The following LNP1 variants were observed in gnomAD, a reference collection of about 807,000 sequenced individuals.
LNP1 encodes leukemia NUP98 fusion partner 1.
A neutral mutation model predicts 14.5 loss-of-function variants in LNP1; 12 were observed. The observed-to-expected ratio is 0.83, with a 90% confidence interval of 0.53 to 1.34. The LOEUF is 1.34. LNP1 is among the 40% of genes most tolerant of loss of function. The probability of loss-of-function intolerance (pLI) is 0.00; values close to 1 mark genes in which losing one functional copy is unlikely to be tolerated. For synonymous variants in LNP1, 75 were observed against 71.4 expected (o/e 1.05, Z -0.26); for missense variants, 198 against 210.9 (o/e 0.94, Z 0.38).
intron 2 of LNP1, among the ~76,000 whole-genome samples, chr3:100,433,463 T>G (rs1275416872): frequency 6.6e-6 from 1 of 152,242 alleles, no homozygotes; most frequent in Non-Finnish European, 1.5e-5. Context: ...TTATCCACTC[T>G]ATCAGTGATG....
At position 100,429,328 on chromosome 3, in the gene LNP1, G is replaced by T. The variant is rs535714127; in HGVS notation, c.-33-369G>T. On this transcript the variant is annotated intron_variant, in intron 1 of 3. Transcript: ENST00000383693. ...TGGAGCTGACAGGCATATTGTGAGGGTCATGCTCCATCATCATTGACAGCT... is the reference window on the plus strand; with the variant it reads ...TGGAGCTGACAGGCATATTGTGAGGTTCATGCTCCATCATCATTGACAGCT... 3.3e-5 allele frequency among the ~76,000 whole-genome samples: 5 copies of T among 152,124 alleles called. No homozygotes were observed. The South Asian group carries it at 1.0e-3, about 32-fold the overall frequency.
chr3:100,439,564 C>T (rs2148905753), intron 2 of LNP1, among the ~76,000 whole-genome samples: 1 of 152,276 alleles, frequency 6.6e-6, no homozygotes, highest in Admixed American at 6.5e-5. Context: ...GTCGTTCAGT[C>T]AGCACACATT....
chr3:100,431,070 AATATCCAGG>A (rs1707238091), intron 2 of LNP1, among the ~76,000 whole-genome samples: 1 of 152,162 alleles, frequency 6.6e-6, no homozygotes, highest in Admixed American at 6.5e-5. Flanking sequence ...CAATGAGCAA[AATATCCAGG>A]CTGTGTGAAC....
chr3:100,450,458 C>T (rs754016947), intron 2 of LNP1, among the ~76,000 whole-genome samples: 13 of 151,888 alleles, frequency 8.6e-5, no homozygotes, highest in African/African-American at 1.9e-4. Context: ...CTCAGCCTCC[C>T]GGGTAGCTGG....
rs529154921 is a variant in LNP1, at chr3:100,412,858, G to A, written c.-34+10419G>A. Among the ~76,000 whole-genome samples the A allele has an allele frequency of 2.0e-5, 3 of 152,304 alleles. No individual in the cohort carries two copies. In the South Asian group the frequency reaches 6.2e-4, roughly 32 times the overall value. On this transcript the variant is annotated intron_variant, in intron 1 of 3. Coordinates refer to ENST00000383693, the MANE Select transcript of LNP1 (RefSeq NM_001085451.2). ...TAGTCATCTTTGTACTCCTGTATCTGTAAGAGGGTTGGGCATATGATGAGT... is the reference window on the plus strand; with the variant it reads ...TAGTCATCTTTGTACTCCTGTATCTATAAGAGGGTTGGGCATATGATGAGT...
intron 1 of LNP1, among the ~76,000 whole-genome samples, chr3:100,412,199 A>G (rs563911118): frequency 6.6e-6 from 1 of 152,302 alleles, no homozygotes; most frequent in South Asian, 2.1e-4. Context: ...AGACAGACCA[A>G]ACGAGAAACC....
chr3:100,404,313 G>T (rs754975782), intron 1 of LNP1, among the ~76,000 whole-genome samples: 4 of 151,952 alleles, frequency 2.6e-5, no homozygotes, highest in Admixed American at 6.5e-5. Flanking sequence ...GTTCTTCTAC[G>T]CTCTGACCAA....
chr3:100,410,301 A>T (rs1031936191), intron 1 of LNP1, among the ~76,000 whole-genome samples: 3 of 152,230 alleles, frequency 2.0e-5, no homozygotes, highest in Non-Finnish European at 2.9e-5. Flanking sequence ...ACATAAATAC[A>T]TGAACAGAAT....
intron 1 of LNP1, among the ~76,000 whole-genome samples, chr3:100,416,214 T>C (rs139478720): frequency 9.8e-5 from 15 of 152,324 alleles, no homozygotes; most frequent in Middle Eastern, 3.4e-3. Flanking sequence ...CATTTATTAG[T>C]TGGAATATTT....
At chr3:100,447,148 A>G (rs533815185) in intron 2 of LNP1, among the ~76,000 whole-genome samples, 4 of 152,214 alleles carry the variant, frequency 2.6e-5, no homozygotes, top group Non-Finnish European at 4.4e-5. Flanking sequence ...ACACATGTAC[A>G]CATATATTTA....
Position 100,429,704 on chromosome 3 carries a change from C to A in LNP1, c.-26C>A. 2 of 1,606,642 alleles carry A rather than the reference C, an allele frequency of 1.2e-6. No homozygotes were observed. Among genetic ancestry groups the A allele is most frequent in the East Asian group, 2.2e-5 (1 of 44,722 alleles). On this transcript the variant is annotated 5_prime_UTR_variant, in exon 2 of 4. Coordinates refer to ENST00000383693, the MANE Select transcript of LNP1 (RefSeq NM_001085451.2). ...TCCCTCTGTCGCATTTAGGGACAGG[C>A]CTTCAGTATTTGGCATCACCTTTAC... is the stretch of plus-strand genomic sequence containing the variant.
chr3:100,414,070 A>G (rs1420822377), intron 1 of LNP1, among the ~76,000 whole-genome samples: 11 of 152,190 alleles, frequency 7.2e-5, no homozygotes, highest in African/African-American at 2.4e-4. Flanking sequence ...TGTTCTGACT[A>G]TCTGTTGCTG....
chr3:100,428,633 T>C (rs939794784), intron 1 of LNP1, among the ~76,000 whole-genome samples: 1 of 152,036 alleles, frequency 6.6e-6, no homozygotes, highest in South Asian at 2.1e-4. Flanking sequence ...CTCTTTACTT[T>C]GAAAAAAATG....
chr3:100,405,527 G>A (rs1706957165), intron 1 of LNP1, among the ~76,000 whole-genome samples: 1 of 152,158 alleles, frequency 6.6e-6, no homozygotes, highest in Admixed American at 6.5e-5. Context: ...AATTCTGTAA[G>A]AGCCCTATTC....
intron 2 of LNP1, among the ~76,000 whole-genome samples, chr3:100,435,378 A>G (rs1027813177): frequency 2.6e-5 from 4 of 152,220 alleles, no homozygotes; most frequent in Admixed American, 6.5e-5. Context: ...TTTGCCTCCA[A>G]TTCCCCACAT....
At chr3:100,414,412 T>C (rs1323356076) in intron 1 of LNP1, among the ~76,000 whole-genome samples, 1 of 152,000 alleles carries the variant, frequency 6.6e-6, no homozygotes, top group African/African-American at 2.4e-5. Context: ...CTGGGCATGG[T>C]GGCAGGCACC....
intron 1 of LNP1, among the ~76,000 whole-genome samples, chr3:100,406,970 T>G (rs1706974746): frequency 1.3e-5 from 2 of 152,242 alleles, no homozygotes; most frequent in Admixed American, 6.5e-5. Context: ...TCCACTTCCT[T>G]TCCTCAATAT....
chr3:100,410,654 G>A (rs565575989), intron 1 of LNP1, among the ~76,000 whole-genome samples: 21 of 152,328 alleles, frequency 1.4e-4, no homozygotes, highest in African/African-American at 4.6e-4. Flanking sequence ...CATCTCATCA[G>A]AAGCCAAGAA....
chr3:100,425,298 T>C (rs1707181685), intron 1 of LNP1, among the ~76,000 whole-genome samples: 2 of 152,224 alleles, frequency 1.3e-5, no homozygotes, highest in African/African-American at 4.8e-5. Flanking sequence ...CTAAGTTCTT[T>C]GTTTTAGAAG....
Sources: gnomAD v4.1 joint callset for allele counts (sites outside exome capture counted in the v4.1 genomes callset) on GRCh38, gnomAD v4.1.1 for gene constraint, MANE v1.5 for transcripts, NCBI Gene and HGNC (gene_info 2026-07-23, HGNC 2026-07-21) for gene names.